MED27: variants seen among roughly 807,000 people sequenced by gnomAD.
MED27 encodes mediator of RNA polymerase II transcription subunit 27.
A neutral mutation model predicts 38.2 loss-of-function variants in MED27; 30 were observed. The ratio of observed to expected loss-of-function variants is 0.79; its 90% CI spans 0.59 to 1.07. MED27 has a LOEUF of 1.07. MED27 is among the 50% of genes least tolerant of loss of function. The probability of loss-of-function intolerance (pLI) is 0.00; values close to 1 mark genes in which losing one functional copy is unlikely to be tolerated. For synonymous variants in MED27, 122 were observed against 153.5 expected, an observed-to-expected ratio of 0.79 and a Z score of 1.52; for missense variants, 289 against 397.5, an observed-to-expected ratio of 0.73 and a Z score of 2.32.
intron 2 of MED27, among the ~76,000 whole-genome samples, chr9:132,050,801 T>G (rs1231356536): frequency 6.6e-6 from 1 of 152,252 alleles, no homozygotes; most frequent in Non-Finnish European, 1.5e-5. Context: ...GCATGATTTA[T>G]CACTACCTGC....
At position 132,077,541 on chromosome 9, in the gene MED27, GT is replaced by G; in HGVS notation, c.248del (p.Asn83ThrfsTer10). The G allele has an allele frequency of 1.2e-6, 2 of 1,614,104 alleles. No individual in the cohort carries two copies. Among genetic ancestry groups the G allele is most frequent in the Non-Finnish European group, 1.7e-6 (2 of 1,180,006 alleles). ...LSNLVGKPSE[N>X]HPLHNSGLLS... ...ACAGCCCACTGTTATGAAGAGGATGGTTCTCAGATGGCTTGCCTACCAGATT... is the reference window on the plus strand; with the variant it reads ...ACAGCCCACTGTTATGAAGAGGATGGTCTCAGATGGCTTGCCTACCAGATT... On this transcript the variant is annotated frameshift_variant, in exon 2 of 8. Transcript: ENST00000292035. LOFTEE classifies it high-confidence loss of function.
intron 2 of MED27, among the ~76,000 whole-genome samples, chr9:132,023,710 G>C (rs1408862273): frequency 6.6e-6 from 1 of 152,152 alleles, no homozygotes; most frequent in Non-Finnish European, 1.5e-5. Flanking sequence ...AAGAAGGAAA[G>C]ACAGTGAAGA....
At chr9:131,936,439 A>G (rs752264319) in intron 4 of MED27, among the ~76,000 whole-genome samples, 1 of 152,226 alleles carries the variant, frequency 6.6e-6, no homozygotes, top group Non-Finnish European at 1.5e-5. Context: ...TCACTGTGCC[A>G]TACAGACGGC....
chr9:131,977,457 T>C (rs970533291), intron 3 of MED27, among the ~76,000 whole-genome samples: 1 of 152,212 alleles, frequency 6.6e-6, no homozygotes, highest in African/African-American at 2.4e-5. Flanking sequence ...GTCCGACTCC[T>C]TGAAAACCAT....
chr9:131,909,651 G>C (rs1038997632), intron 4 of MED27, among the ~76,000 whole-genome samples: 3 of 152,198 alleles, frequency 2.0e-5, no homozygotes, highest in Admixed American at 6.5e-5. Flanking sequence ...AAATCAATAT[G>C]TGGACAAGGT....
In MED27 at chr9:132,067,590, C is replaced by G. The variant is rs2131159529; in HGVS notation, c.348+9852G>C. Among the ~76,000 whole-genome samples the G allele has an allele frequency of 2.0e-5, 3 of 152,326 alleles. No homozygotes were observed. In the East Asian group the frequency reaches 5.8e-4, roughly 29 times the overall value. On this transcript the variant is annotated intron_variant, in intron 2 of 7. Coordinates refer to ENST00000292035, the MANE Select transcript of MED27 (RefSeq NM_004269.4). The stretch of plus-strand genomic sequence containing the variant: ...AAGTGGGGAGAGAGGAAGCTGTGCA[C>G]TAAAGTCTCCATAGACAAAATGCAG...
chr9:132,009,530 C>G (rs1157307245), intron 3 of MED27, among the ~76,000 whole-genome samples: 1 of 152,222 alleles, frequency 6.6e-6, no homozygotes, highest in Non-Finnish European at 1.5e-5. Context: ...ATTCAAGCAG[C>G]CTGCGGAGAG....
rs1832179028 is a variant in MED27 at position 131,999,738 on chromosome 9, T to G, written c.479+14599A>C. Among the ~76,000 whole-genome samples, 5 of 151,900 alleles carry G rather than the reference T, an allele frequency of 3.3e-5. No individual in the cohort carries two copies. The South Asian group carries it at 1.0e-3, about 32-fold the overall frequency. ...GATAAGTTTTTCTACCAAAAGAAAA[T>G]AAAAAATCAGGACAAACTAATTAAA... On this transcript the variant is annotated intron_variant, in intron 3 of 7. Coordinates refer to ENST00000292035, the MANE Select transcript of MED27 (RefSeq NM_004269.4).
chr9:131,890,091 A>G (rs1839204122), intron 5 of MED27, among the ~76,000 whole-genome samples: 2 of 152,164 alleles, frequency 1.3e-5, no homozygotes, highest in African/African-American at 2.4e-5. Context: ...TAAATAAAGT[A>G]CACACACACA....
At chr9:131,958,552 A>G (rs1325166393) in intron 3 of MED27, among the ~76,000 whole-genome samples, 1 of 152,154 alleles carries the variant, frequency 6.6e-6, no homozygotes, top group Non-Finnish European at 1.5e-5. Flanking sequence ...GGCCAAATTA[A>G]GTGGTTTTTA....
intron 2 of MED27, among the ~76,000 whole-genome samples, chr9:132,050,783 C>T (rs1206370305): frequency 6.6e-6 from 1 of 152,206 alleles, no homozygotes; most frequent in Non-Finnish European, 1.5e-5. Context: ...TTCTGTAGCC[C>T]TTATCCTGCA....
intron 3 of MED27, among the ~76,000 whole-genome samples, chr9:132,009,759 C>T (rs1181014837): frequency 6.6e-6 from 1 of 152,210 alleles, no homozygotes; most frequent in Non-Finnish European, 1.5e-5. Flanking sequence ...TGTTAAAGCA[C>T]TAAGTTTTAG....
chr9:132,047,441 G>GACACACAC (rs56144736), intron 2 of MED27, among the ~76,000 whole-genome samples: 4,343 of 145,226 alleles, frequency 0.03, 88 homozygotes, highest in African/African-American at 0.06. Context: ...TAATGTTTTA[G>GACACACAC]ACACACACAC....
chr9:131,951,714 T>TG (rs1259379358), intron 3 of MED27, among the ~76,000 whole-genome samples: 2 of 152,260 alleles, frequency 1.3e-5, no homozygotes, highest in African/African-American at 4.8e-5. Flanking sequence ...AATAATGGTA[T>TG]TAGCTGTTCC....
chr9:131,891,393 A>T (rs1839226824), intron 5 of MED27, among the ~76,000 whole-genome samples: 1 of 152,242 alleles, frequency 6.6e-6, no homozygotes, highest in South Asian at 2.1e-4. Context: ...TACAAGCCAG[A>T]GTTTTCAGAA....
chr9:132,050,533 C>G (rs1027741298), intron 2 of MED27, among the ~76,000 whole-genome samples: 1 of 152,204 alleles, frequency 6.6e-6, no homozygotes, highest in Non-Finnish European at 1.5e-5. Context: ...TGATTATGTT[C>G]ACAGGGAAAA....
intron 4 of MED27, among the ~76,000 whole-genome samples, chr9:131,929,811 G>A (rs781401146): frequency 6.6e-6 from 1 of 152,220 alleles, no homozygotes; most frequent in African/African-American, 2.4e-5. Flanking sequence ...GGACCTAGGG[G>A]AACTTGCTAC....
At chr9:131,956,069 C>T (rs182176933) in intron 3 of MED27, among the ~76,000 whole-genome samples, 186 of 152,290 alleles carry the variant, frequency 1.2e-3, no homozygotes, top group African/African-American at 4.3e-3. Flanking sequence ...ATTGGACTAA[C>T]ATTCAAAAAT....
chr9:131,931,071 C>T (rs1325940600), intron 4 of MED27, among the ~76,000 whole-genome samples: 1 of 151,976 alleles, frequency 6.6e-6, no homozygotes, highest in African/African-American at 2.4e-5. Context: ...ATGGTGAAAC[C>T]TGTCTCTATC....
Sources: gnomAD v4.1 joint callset for allele counts (sites outside exome capture counted in the v4.1 genomes callset) on GRCh38, gnomAD v4.1.1 for gene constraint, MANE v1.5 for transcripts, NCBI Gene and HGNC (gene_info 2026-07-23, HGNC 2026-07-21) for gene names.